The following YBEY variants were observed in gnomAD, a reference collection of about 807,000 sequenced individuals.
The protein encoded by YBEY is ybeY metalloendoribonuclease, also known as endoribonuclease YbeY.
Under a neutral mutation model 13.5 loss-of-function variants are expected in YBEY, and 15 were observed. That is an observed-to-expected ratio of 1.11 (90% confidence interval 0.75 to 1.72). YBEY has a LOEUF of 1.72. Among genes scored for constraint, YBEY ranks in the 40% most tolerant of loss-of-function variants. The pLI is 0.00. For missense variants in YBEY, 244 were observed against 208.4 expected (o/e 1.17, Z -1.05); for synonymous variants, 101 against 83.1 (o/e 1.21, Z -1.17).
chr21:46,288,195 G>A (rs2081543104), intron 2 of YBEY, among the ~76,000 whole-genome samples: 1 of 152,176 alleles, frequency 6.6e-6, no homozygotes, highest in African/African-American at 2.4e-5. Flanking sequence ...TAAACAGACT[G>A]GGGTAAATAT....
the YBEY span, among the ~76,000 whole-genome samples, chr21:46,309,864 C>T: frequency 3.6e-4 from 55 of 151,954 alleles, 1 homozygote; most frequent in East Asian, 4.9e-3. Flanking sequence ...GGCGTGGTGG[C>T]GGGTACCTGT....
chr21:46,286,515 C>T (rs2081436525), intron 1 of YBEY, 100 bp downstream of exon 1: 1 of 171,956 alleles, frequency 5.8e-6, no homozygotes, highest in Non-Finnish European at 1.2e-5. Context: ...GCCCCCAACG[C>T]TTACCTGTCC....
At chr21:46,298,102 CG>C (rs1399218450), downstream of YBEY, among the ~76,000 whole-genome samples, 2 of 152,260 alleles carry the variant, frequency 1.3e-5, no homozygotes, top group African/African-American at 2.4e-5. Context: ...CGGGGCCTCC[CG>C]GCCACGGACA....
chr21:46,308,483 T>C, the YBEY span, among the ~76,000 whole-genome samples: 19 of 152,174 alleles, frequency 1.2e-4, no homozygotes, highest in African/African-American at 4.6e-4. Flanking sequence ...TTAAATCTCA[T>C]ATGATTCAGA....
downstream of YBEY, among the ~76,000 whole-genome samples, chr21:46,298,434 C>CTTT (rs557264546): frequency 3.0e-4 from 29 of 97,176 alleles, 5 homozygotes; most frequent in Non-Finnish European, 3.0e-4. Context: ...TTAATCCAAG[C>CTTT]TTTTTTTTTT....
At chr21:46,291,952 A>G (rs1376194682) in intron 3 of YBEY, 2 of 589,580 alleles carry the variant, frequency 3.4e-6, no homozygotes, top group Admixed American at 6.3e-5. Context: ...GGCTGGAGTT[A>G]TTATTCAACT....
downstream of YBEY, chr21:46,300,038 G>C (rs1346073206): frequency 6.6e-6 from 1 of 152,504 alleles, no homozygotes; most frequent in African/African-American, 2.4e-5. Context: ...CTGGATGCCA[G>C]AGCCTTTCAT....
chr21:46,289,387 C>A (rs957820878), intron 2 of YBEY, among the ~76,000 whole-genome samples: 3 of 151,678 alleles, frequency 2.0e-5, no homozygotes, highest in African/African-American at 7.3e-5. Context: ...ATGCCACATG[C>A]CATAGTAGAC....
chr21:46,297,530 TC>T lies in YBEY; in HGVS notation c.409-7del. 7.3e-7 allele frequency: 1 copy of T among 1,374,530 alleles called. No individual in the cohort carries two copies. The highest frequency in any genetic ancestry group is 3.0e-5 in the East Asian group (1 of 32,912). The allele number at this position is 1,374,530 out of a possible 1,614,324, so 85.1% of individuals were successfully genotyped here. A position where few individuals can be genotyped will look rare whatever the true frequency, so the allele number is the denominator to read the frequency against. On this transcript the variant is annotated splice_region_variant and splice_polypyrimidine_tract_variant and intron_variant, in intron 4 of 4. Transcript: ENST00000397701. ...CCTGGGGAGGGCCAGCGCGCTTCCT[TC>T]CTTCCAGATGTTCCAGAAGGAGAAG...
At chr21:46,295,770 G>A (rs773468795) in intron 3 of YBEY, among the ~76,000 whole-genome samples, 13 of 152,140 alleles carry the variant, frequency 8.5e-5, no homozygotes, top group African/African-American at 2.7e-4. Flanking sequence ...CGCTTGCCTC[G>A]TCCCTCTTAG....
At position 46,297,544 on chromosome 21, in the gene YBEY, C is replaced by G. The variant is rs769121678; in HGVS notation, c.414C>G (p.Phe138Leu). 3.6e-6 allele frequency: 5 copies of G among 1,395,588 alleles called. No homozygotes were observed. Among genetic ancestry groups the G allele is most frequent in the Admixed American group, 3.0e-5 (1 of 33,368 alleles). 86.5% of individuals were successfully genotyped at this position (1,395,588 alleles called of 1,614,324 possible). A position where few individuals can be genotyped will look rare whatever the true frequency, so the allele number is the denominator to read the frequency against. ...GCGCGCTTCCTTCCTTCCAGATGTT[C>G]CAGAAGGAGAAGGCGGTGCTGGACG... ...HGTEAEWQQM[F>L]QKEKAVLDEL... Residue 138 changes from phenylalanine (F) to leucine (L), a missense_variant, in exon 5 of 5, where the codon TTC becomes TTG. Phe to Leu is a conservative substitution (Grantham distance 22). Transcript: ENST00000397701.
At chr21:46,309,740 T>C in the YBEY span, among the ~76,000 whole-genome samples, 1 of 152,146 alleles carries the variant, frequency 6.6e-6, no homozygotes, top group Admixed American at 6.6e-5. Flanking sequence ...CCCACGCCTA[T>C]AATCCCAGCA....
chr21:46,297,708 A>C lies in YBEY; in HGVS notation c.*74A>C. The C allele has an allele frequency of 8.0e-7, 1 of 1,257,844 alleles. No homozygotes were observed. The highest frequency in any genetic ancestry group is 1.0e-6 in the Non-Finnish European group (1 of 992,442). 77.9% of individuals were successfully genotyped at this position (1,257,844 alleles called of 1,614,324 possible). A position where few individuals can be genotyped will look rare whatever the true frequency, so the allele number is the denominator to read the frequency against. On this transcript the variant is annotated 3_prime_UTR_variant, in exon 5 of 5. Transcript: ENST00000397701. ...GGGAGCCGGGGTCGCACACGAATAA[A>C]TAACGAATGAACGTACGAGGGGAAC...
chr21:46,290,563 AC>A (rs1015855460), intron 2 of YBEY, among the ~76,000 whole-genome samples: 5 of 151,270 alleles, frequency 3.3e-5, no homozygotes, highest in Admixed American at 2.0e-4. Context: ...TGGCTGGGCA[AC>A]CCACCCGCCA....
At chr21:46,292,843 G>A (rs867497408) in intron 3 of YBEY, among the ~76,000 whole-genome samples, 183 of 122,364 alleles carry the variant, frequency 1.5e-3, no homozygotes, top group African/African-American at 4.6e-3. Context: ...ACTCAGTGGA[G>A]TCAGCCACGC....
intron 2 of YBEY, among the ~76,000 whole-genome samples, chr21:46,288,834 A>G (rs974844917): frequency 8.5e-5 from 13 of 152,218 alleles, no homozygotes; most frequent in African/African-American, 2.7e-4. Context: ...TCTGGGCAAC[A>G]TGGTCAAACC....
chr21:46,287,530 C>G (rs2081504887), intron 2 of YBEY, among the ~76,000 whole-genome samples: 1 of 152,130 alleles, frequency 6.6e-6, no homozygotes, highest in Admixed American at 6.5e-5. Context: ...ATATTATAGG[C>G]TAGGCTCCAT....
downstream of YBEY, among the ~76,000 whole-genome samples, chr21:46,299,750 G>GCCCCCCC (rs545785598): frequency 6.8e-6 from 1 of 147,262 alleles, no homozygotes; most frequent in African/African-American, 2.5e-5. Flanking sequence ...TGTGCCCTGA[G>GCCCCCCC]CCCCCCCCAC....
the YBEY span, chr21:46,311,694 A>G: frequency 4.9e-6 from 2 of 407,326 alleles, no homozygotes; most frequent in Non-Finnish European, 9.0e-6. Flanking sequence ...CATCCATCCA[A>G]CCAACCAACC....
Sources: allele counts gnomAD v4.1 joint callset (sites outside exome capture counted in the v4.1 genomes callset), GRCh38; gene constraint gnomAD v4.1.1; transcripts MANE v1.5; gene names NCBI Gene and HGNC (gene_info 2026-07-23, HGNC 2026-07-21).